The following IL34 variants were observed in gnomAD, a reference collection of about 807,000 sequenced individuals.
IL34 encodes interleukin-34.
In IL34, 17 loss-of-function variants were observed where a neutral mutation model predicts 25.3. The ratio of observed to expected loss-of-function variants is 0.67; its 90% CI spans 0.46 to 1.01. IL34 has a LOEUF of 1.01. IL34 is among the 50% of genes least tolerant of loss of function. IL34 has a pLI of 0.00. For missense variants in IL34, 368 were observed against 312.9 expected (o/e 1.18, Z -1.33); for synonymous variants, 174 against 140.9 (o/e 1.23, Z -1.66).
intron 1 of IL34, among the ~76,000 whole-genome samples, chr16:70,617,925 T>G (rs945401658): frequency 1.2e-3 from 186 of 151,970 alleles, no homozygotes; most frequent in Non-Finnish European, 2.2e-3. Context: ...ACCTATCCAG[T>G]GAAAGTATCT....
chr16:70,588,522 T>C (rs2151805072), intron 1 of IL34, among the ~76,000 whole-genome samples: 1 of 151,260 alleles, frequency 6.6e-6, no homozygotes, highest in Non-Finnish European at 1.5e-5. Context: ...AAAAATAGAA[T>C]CACCATACAA....
chr16:70,619,769 G>T (rs1000678677), intron 1 of IL34, among the ~76,000 whole-genome samples: 1 of 151,926 alleles, frequency 6.6e-6, no homozygotes, highest in South Asian at 2.1e-4. Context: ...GTCAGTCAGA[G>T]AGCCTTGGGC....
chr16:70,615,443 G>A (rs1199031717), intron 1 of IL34, among the ~76,000 whole-genome samples: 1 of 152,042 alleles, frequency 6.6e-6, no homozygotes, highest in Non-Finnish European at 1.5e-5. Flanking sequence ...GGAGGTGGAG[G>A]TTGCAGTAAG....
At chr16:70,629,344 G>A (rs2051466102) in intron 1 of IL34, among the ~76,000 whole-genome samples, 1 of 152,168 alleles carries the variant, frequency 6.6e-6, no homozygotes. Context: ...ATTTTATCAT[G>A]TTAGGTAATT....
chr16:70,617,031 C>T (rs1261367784), intron 1 of IL34, among the ~76,000 whole-genome samples: 1 of 151,956 alleles, frequency 6.6e-6, no homozygotes, highest in Non-Finnish European at 1.5e-5. Flanking sequence ...AGGGTTGCTT[C>T]AAGCAGGATT....
intron 1 of IL34, among the ~76,000 whole-genome samples, chr16:70,607,987 C>T (rs774309908): frequency 3.1e-4 from 47 of 151,856 alleles, no homozygotes; most frequent in Admixed American, 2.8e-3. Flanking sequence ...AGGCTGGTCC[C>T]GAACTCCTGA....
chr16:70,660,256 G>C lies in IL34; in HGVS notation c.*69G>C. 1 of 1,399,880 alleles carries C rather than the reference G, an allele frequency of 7.1e-7. No individual in the cohort carries two copies. Among genetic ancestry groups the C allele is most frequent in the South Asian group, 1.4e-5 (1 of 69,838 alleles). 86.7% of individuals were successfully genotyped at this position (1,399,880 alleles called of 1,614,324 possible). On this transcript the variant is annotated 3_prime_UTR_variant, in exon 6 of 6. Transcript: ENST00000288098. ...CCCACAGGAGTTCAACTGGGTCTGA[G>C]ACTTCAAGGGGTGGTGGTGGGAGCC...
intron 1 of IL34, among the ~76,000 whole-genome samples, chr16:70,621,144 GC>G (rs1256706132): frequency 3.9e-5 from 6 of 152,002 alleles, no homozygotes; most frequent in Non-Finnish European, 5.9e-5. Context: ...AGGGGTACTT[GC>G]CCCTGCCCCA....
At chr16:70,605,968 G>GTTTTTTT (rs1483071432) in intron 1 of IL34, among the ~76,000 whole-genome samples, 1 of 123,698 alleles carries the variant, frequency 8.1e-6, no homozygotes, top group African/African-American at 3.5e-5. Flanking sequence ...CACCGCACCT[G>GTTTTTTT]GTTTTTTTTT....
intron 1 of IL34, among the ~76,000 whole-genome samples, chr16:70,647,293 G>A (rs546215608): frequency 2.0e-4 from 30 of 152,278 alleles, no homozygotes; most frequent in Non-Finnish European, 3.2e-4. Context: ...GGGGAGCCCC[G>A]GGCGGGCAGC....
intron 1 of IL34, among the ~76,000 whole-genome samples, chr16:70,616,186 A>G (rs1360708539): frequency 1.3e-5 from 2 of 152,230 alleles, no homozygotes; most frequent in Non-Finnish European, 1.5e-5. Flanking sequence ...TTGCAGGTGC[A>G]TACTGTATAT....
Position 70,613,742 on chromosome 16 carries a change from C to T in IL34, c.-400-32806C>T, listed in dbSNP as rs1335594285. ...TACAAAAATTAGCCAGGCATGGTGG[C>T]GTGCACCTGTAGTCCCAGCTACTTG... On this transcript the variant is annotated intron_variant, in intron 1 of 6. Coordinates refer to the IL34 transcript ENST00000429149. Among the ~76,000 whole-genome samples the T allele has an allele frequency of 2.6e-5, 4 of 152,102 alleles. No homozygotes were observed. The South Asian group carries it at 6.2e-4, about 24-fold the overall frequency.
chr16:70,595,317 T>A (rs1415769852), intron 1 of IL34, among the ~76,000 whole-genome samples: 1 of 149,920 alleles, frequency 6.7e-6, no homozygotes, highest in East Asian at 2.0e-4. Context: ...TTCTTCTTTC[T>A]CCTCTAATTC....
At chr16:70,622,828 C>T (rs1016881651) in intron 1 of IL34, among the ~76,000 whole-genome samples, 1 of 151,960 alleles carries the variant, frequency 6.6e-6, no homozygotes, top group Admixed American at 6.6e-5. Flanking sequence ...GTGAGTTGAG[C>T]ATAGTTTGCG....
intron 1 of IL34, among the ~76,000 whole-genome samples, chr16:70,649,743 T>C (rs1336373397): frequency 6.6e-6 from 1 of 152,238 alleles, no homozygotes; most frequent in East Asian, 1.9e-4. Context: ...AGTACCGTAC[T>C]CACACAGATC....
At chr16:70,625,714 G>T (rs1028527660) in intron 1 of IL34, among the ~76,000 whole-genome samples, 4 of 152,166 alleles carry the variant, frequency 2.6e-5, no homozygotes, top group East Asian at 1.9e-4. Flanking sequence ...TGGGTCCACC[G>T]ATAAAACGTG....
At chr16:70,654,412 C>T (rs1290487576) in intron 1 of IL34, 126 bp from the exon 2 acceptor site, 3 of 1,317,312 alleles carry the variant, frequency 2.3e-6, no homozygotes, top group Non-Finnish European at 3.1e-6. Flanking sequence ...TGCCCCCCAC[C>T]ACACCTTTCC....
chr16:70,624,695 G>A (rs1439043773), intron 1 of IL34, among the ~76,000 whole-genome samples: 1 of 152,018 alleles, frequency 6.6e-6, no homozygotes, highest in African/African-American at 2.4e-5. Flanking sequence ...AGAATAAATT[G>A]CTGGACAGGT....
In IL34 at chr16:70,629,863, C is replaced by T. The variant is rs1246000518; in HGVS notation, c.-400-16685C>T. Among the ~76,000 whole-genome samples the T allele has an allele frequency of 5.3e-5, 8 of 150,728 alleles. 1 individual carries two copies. Among genetic ancestry groups the T allele is most frequent in the African/African-American group, 1.7e-4 (7 of 40,100 alleles). The stretch of plus-strand genomic sequence containing the variant: ...CATTTTTATCTTTTGTGTTATGATT[C>T]AGTTATACTGTTTCAGTAATTAAAA... On this transcript the variant is annotated intron_variant, in intron 1 of 6. Coordinates refer to the IL34 transcript ENST00000429149.
Sources: allele counts gnomAD v4.1 joint callset (sites outside exome capture counted in the v4.1 genomes callset), GRCh38; gene constraint gnomAD v4.1.1; transcripts MANE v1.5; gene names NCBI Gene and HGNC (gene_info 2026-07-23, HGNC 2026-07-21).